DAB2IP: variants seen among roughly 807,000 people sequenced by gnomAD.
The protein encoded by DAB2IP is disabled homolog 2-interacting protein.
A neutral mutation model predicts 107.2 loss-of-function variants in DAB2IP; 28 were observed. The ratio of observed to expected loss-of-function variants is 0.26; its 90% confidence interval spans 0.19 to 0.36. DAB2IP has a LOEUF of 0.36. DAB2IP is among the 10% of genes least tolerant of loss of function. The pLI, the probability that DAB2IP is intolerant of heterozygous loss-of-function variation, is 1.00. For synonymous variants in DAB2IP, 755 were observed against 706.4 expected, an observed-to-expected ratio of 1.07 and a Z score of -1.09; for missense variants, 1,400 against 1,644.7, an observed-to-expected ratio of 0.85 and a Z score of 2.57.
chr9:121,652,204 C>T (rs1489859757), intron 1 of DAB2IP, among the ~76,000 whole-genome samples: 2 of 152,134 alleles, frequency 1.3e-5, no homozygotes, highest in South Asian at 2.1e-4. Flanking sequence ...ACTCAGCAGC[C>T]GGGCAATAAA....
At position 121,774,187 on chromosome 9, in the gene DAB2IP, A is replaced by C. The variant is rs867401993; in HGVS notation, c.2968-73A>C. 9.7e-6 allele frequency: 14 copies of C among 1,442,632 alleles called. No individual in the cohort carries two copies. The African/African-American group carries it at 1.3e-4, about 14-fold the overall frequency. The allele number at this position is 1,442,632 out of a possible 1,614,324, so 89.4% of individuals were successfully genotyped here. The stretch of plus-strand genomic sequence containing the variant: ...CCAGAGTTGCTTGTCCTTGTGGCTC[A>C]CCTGGGCCACTCCCGCCCCTCCTGC... On this transcript the variant is annotated intron_variant, in intron 12 of 15. Transcript: ENST00000408936.
chr9:121,678,867 C>A, intron 2 of DAB2IP, 86 bp downstream of exon 2: 1 of 1,267,998 alleles, frequency 7.9e-7, no homozygotes. Flanking sequence ...CCACGGCCCC[C>A]CTTCCTGGAG....
intron 2 of DAB2IP, among the ~76,000 whole-genome samples, chr9:121,692,510 A>G (rs543316573): frequency 5.3e-5 from 8 of 152,308 alleles, no homozygotes; most frequent in Admixed American, 3.9e-4. Context: ...CAGTGACCCT[A>G]GAGTGTCAGG....
rs1193256031 is a variant in DAB2IP, at chr9:121,763,510, C to G, written c.1176C>G (p.Phe392Leu). The G allele has an allele frequency of 1.9e-6, 3 of 1,612,198 alleles. No individual in the cohort carries two copies. In the African/African-American group the frequency reaches 4.0e-5, roughly 22 times the overall value. The change falls in exon 7 of 16, where the codon TTC becomes TTG. Residue 392 changes from phenylalanine (F) to leucine (L), a missense_variant. Around this residue, in one of 3 missense-constraint regions of DAB2IP, gnomAD observed 517 missense variants for 748.6 expected, o/e 0.69. Coordinates refer to ENST00000408936, the Ensembl canonical transcript of DAB2IP. ...TCCACCTCCTGCCTCCCCAGGACTTCCTGACAGACCTGATGATGTCAGAGG... is the reference window on the plus strand; with the variant it reads ...TCCACCTCCTGCCTCCCCAGGACTTGCTGACAGACCTGATGATGTCAGAGG...
At chr9:121,742,763 C>T in intron 3 of DAB2IP, 2 of 985,656 alleles carry the variant, frequency 2.0e-6, no homozygotes, top group Non-Finnish European at 2.4e-6. Context: ...GCCCGCTTTT[C>T]TCTGCTTTCA....
At chr9:121,659,576 G>T (rs1833113695) in intron 1 of DAB2IP, among the ~76,000 whole-genome samples, 1 of 152,120 alleles carries the variant, frequency 6.6e-6, no homozygotes, top group Non-Finnish European at 1.5e-5. Context: ...GGCGGATCAC[G>T]AGGTCAGGAG....
At chr9:121,751,950 G>A (rs1833148692) in intron 3 of DAB2IP, 15 of 985,346 alleles carry the variant, frequency 1.5e-5, no homozygotes, top group Non-Finnish European at 1.6e-5. Context: ...CTCCTTCCTG[G>A]GAGCAGTAAG....
At chr9:121,580,806 T>A (rs1314277777) in intron 1 of DAB2IP, among the ~76,000 whole-genome samples, 2 of 152,136 alleles carry the variant, frequency 1.3e-5, no homozygotes, top group Non-Finnish European at 2.9e-5. Flanking sequence ...TTTGTATTTT[T>A]AGTAGAGACG....
At chr9:121,759,788 C>T in intron 5 of DAB2IP, 97 bp from the exon 6 acceptor site, 1 of 1,146,858 alleles carries the variant, frequency 8.7e-7, no homozygotes, top group East Asian at 2.6e-5. Flanking sequence ...ACCTTCAGAG[C>T]TCCTCCTGGG....
chr9:121,702,800 C>T lies in DAB2IP; in HGVS notation c.362+3342C>T, dbSNP rs539815672. ...GGGTCAGTTGGCAATATTATGCTTT[C>T]CTCATTCCTTCTCTCTCCTGATGCT... On this transcript the variant is annotated intron_variant, in intron 3 of 15. Transcript: ENST00000408936. This position sits in a 1 kb window ranked among gnomAD's most constrained non-coding sequence, Gnocchi z 4.5. Among the ~76,000 whole-genome samples the T allele has an allele frequency of 6.6e-5, 10 of 152,070 alleles. No individual in the cohort carries two copies. The highest frequency in any genetic ancestry group is 1.5e-4 in the Non-Finnish European group (10 of 68,010).
chr9:121,694,679 A>G (rs1316865820), intron 2 of DAB2IP, among the ~76,000 whole-genome samples: 5 of 152,004 alleles, frequency 3.3e-5, no homozygotes, highest in African/African-American at 1.2e-4. Flanking sequence ...CCCCCACTCA[A>G]ACTGCCCTGT....
exon 16 of DAB2IP, chr9:121,784,732 C>G (rs1458752085): frequency 6.5e-6 from 1 of 154,196 alleles, no homozygotes; most frequent in African/African-American, 2.4e-5. Context: ...ATTTCTGAAT[C>G]TAGAGAACAG....
In DAB2IP at chr9:121,684,376, C is replaced by T. The variant is rs114339922; in HGVS notation, c.228+5595C>T. 5.3e-3 allele frequency among the ~76,000 whole-genome samples: 810 copies of T among 152,284 alleles called. 10 individuals carry two copies. Among genetic ancestry groups the T allele is most frequent in the African/African-American group, 0.018 (758 of 41,544 alleles). On this transcript the variant is annotated intron_variant, in intron 2 of 15. Transcript: ENST00000408936. The surrounding 1 kb of genome is among the most constrained non-coding windows in gnomAD (Gnocchi z 4.0). ...TCTCCCCCGCATCCAGTGGTCCTCA[C>T]CCCTTACTCCTTCCTGTCCTCTCCT...
intron 1 of DAB2IP, among the ~76,000 whole-genome samples, chr9:121,603,212 C>A (rs1016263251): frequency 2.6e-5 from 4 of 152,168 alleles, no homozygotes; most frequent in African/African-American, 9.7e-5. Context: ...CCATCCCTTC[C>A]CTTGGAAGAC....
chr9:121,620,957 C>A (rs1831440579), intron 1 of DAB2IP, among the ~76,000 whole-genome samples: 1 of 152,228 alleles, frequency 6.6e-6, no homozygotes, highest in African/African-American at 2.4e-5. Context: ...AAGGCCCTTC[C>A]TTTCTCCTAA....
intron 1 of DAB2IP, among the ~76,000 whole-genome samples, chr9:121,571,368 A>C (rs2118882800): frequency 6.6e-6 from 1 of 152,298 alleles, no homozygotes; most frequent in African/African-American, 2.4e-5. Flanking sequence ...GTGAGTGAAC[A>C]AATGCAGTTG....
At chr9:121,755,299 A>C (rs542288518) in intron 3 of DAB2IP, among the ~76,000 whole-genome samples, 167 of 152,326 alleles carry the variant, frequency 1.1e-3, no homozygotes, top group Non-Finnish European at 2.1e-3. Flanking sequence ...TGGACCTCCC[A>C]GGGAGAGTGC....
chr9:121,770,252 C>T (rs966953218), intron 10 of DAB2IP, among the ~76,000 whole-genome samples: 2 of 152,234 alleles, frequency 1.3e-5, no homozygotes, highest in Non-Finnish European at 2.9e-5. Context: ...GCTTTCCTCT[C>T]TGCGGAGGCA....
intron 13 of DAB2IP, 134 bp downstream of exon 13, chr9:121,774,546 G>C (rs1835049735): frequency 1.9e-6 from 2 of 1,060,886 alleles, no homozygotes; most frequent in African/African-American, 3.2e-5. Flanking sequence ...CTGAGCCCCT[G>C]TTCCCTGTGA....
Sources: gnomAD v4.1 joint callset for allele counts (sites outside exome capture counted in the v4.1 genomes callset) on GRCh38, gnomAD v4.1.1 for gene constraint, gnomAD v4.1.1 regional missense constraint, Gnocchi (gnomAD v3.1) non-coding constraint, MANE v1.5 for transcripts, NCBI Gene and HGNC (gene_info 2026-07-23, HGNC 2026-07-21) for gene names.